Variants in IQGAP2 observed in about 807,000 individuals in gnomAD.
IQGAP2 encodes the protein ras GTPase-activating-like protein IQGAP2.
A neutral mutation model predicts 201.3 loss-of-function variants in IQGAP2; 173 were observed. The ratio of observed to expected loss-of-function variants is 0.86; its 90% CI spans 0.76 to 0.98. The LOEUF is 0.98. Ranked by LOEUF, IQGAP2 falls within the 50% of genes least tolerant of loss-of-function variation. The pLI is 0.00. For synonymous variants in IQGAP2, 675 were observed against 673.9 expected (o/e 1.00, Z -0.03); for missense variants, 1,687 against 1,864.8 (o/e 0.90, Z 1.76).
At chr5:76,489,144 G>A (rs1756362691) in intron 2 of IQGAP2, among the ~76,000 whole-genome samples, 1 of 152,140 alleles carries the variant, frequency 6.6e-6, no homozygotes, top group African/African-American at 2.4e-5. Context: ...CAGTGGTAGG[G>A]TTCCATGGAA....
In IQGAP2 at chr5:76,707,492, T is replaced by C. The variant is rs139058911; in HGVS notation, c.*179T>C. On this transcript the variant is annotated 3_prime_UTR_variant, in exon 36 of 36. Transcript: ENST00000274364. ...CCTTTTTGCTAATTTGATACTATAATAGAATGAGACATAAAATGAATTAAT... is the reference window on the plus strand; with the variant it reads ...CCTTTTTGCTAATTTGATACTATAACAGAATGAGACATAAAATGAATTAAT... 6.9e-6 allele frequency: 4 copies of C among 577,154 alleles called. No homozygotes were observed. Among genetic ancestry groups the C allele is most frequent in the African/African-American group, 1.9e-5 (1 of 53,278 alleles). The allele number at this position is 577,154 out of a possible 1,614,324, so 35.8% of individuals were successfully genotyped here.
chr5:76,608,253 A>G (rs1415040365), intron 12 of IQGAP2, among the ~76,000 whole-genome samples: 1 of 152,196 alleles, frequency 6.6e-6, no homozygotes, highest in African/African-American at 2.4e-5. Flanking sequence ...CCACTATAAC[A>G]CTTCTGTTAA....
chr5:76,620,019 C>T (rs1371309480), intron 13 of IQGAP2, among the ~76,000 whole-genome samples: 3 of 152,056 alleles, frequency 2.0e-5, no homozygotes, highest in South Asian at 4.1e-4. Context: ...GCAAGATAGC[C>T]GATTCTCTCC....
intron 2 of IQGAP2, among the ~76,000 whole-genome samples, chr5:76,473,185 T>A (rs1406252390): frequency 6.6e-6 from 1 of 152,240 alleles, no homozygotes; most frequent in Admixed American, 6.5e-5. Context: ...CATGTCTTCC[T>A]TGTAAGTCCA....
intron 30 of IQGAP2, among the ~76,000 whole-genome samples, chr5:76,690,351 A>T (rs1248929019): frequency 6.6e-6 from 1 of 152,166 alleles, no homozygotes; most frequent in African/African-American, 2.4e-5. Flanking sequence ...CAGTCTTGGC[A>T]TTTCTCTATA....
Position 76,588,898 on chromosome 5 carries a change from T to G in IQGAP2, c.459-8T>G. On this transcript the variant is annotated splice_region_variant and splice_polypyrimidine_tract_variant and intron_variant, in intron 5 of 35. Coordinates refer to ENST00000274364, the MANE Select transcript of IQGAP2 (RefSeq NM_006633.5). ...AATTTCTGATAATTTTGTGTTTTTT[T>G]CTTTCAGTTTGTATCTGTTCAAACT... 1.9e-6 allele frequency: 3 copies of G among 1,569,176 alleles called. No homozygotes were observed. Among genetic ancestry groups the G allele is most frequent in the Non-Finnish European group, 2.6e-6 (3 of 1,149,094 alleles).
At chr5:76,647,708 T>A (rs456918) in intron 17 of IQGAP2, among the ~76,000 whole-genome samples, 97,381 of 151,414 alleles carry the variant, frequency 0.64, 31,591 homozygotes, top group South Asian at 0.82. Flanking sequence ...GCGTGAAAAC[T>A]GATTAATACA....
chr5:76,619,481 G>A (rs1260602150), intron 13 of IQGAP2, among the ~76,000 whole-genome samples: 1 of 151,590 alleles, frequency 6.6e-6, no homozygotes, highest in Non-Finnish European at 1.5e-5. Context: ...CTAGCAAAAG[G>A]GATTTTGCAG....
intron 3 of IQGAP2, among the ~76,000 whole-genome samples, chr5:76,564,373 G>A (rs987709227): frequency 1.3e-5 from 2 of 152,180 alleles, no homozygotes; most frequent in African/African-American, 2.4e-5. Flanking sequence ...GAGTTAAAGC[G>A]TAGTTGGGGT....
chr5:76,657,143 T>C (rs1742816584), intron 20 of IQGAP2, among the ~76,000 whole-genome samples: 1 of 152,214 alleles, frequency 6.6e-6, no homozygotes, highest in South Asian at 2.1e-4. Flanking sequence ...TAACAATTAG[T>C]AAAGCTAAAA....
At chr5:76,413,525 C>G (rs192862760) in intron 1 of IQGAP2, among the ~76,000 whole-genome samples, 17 of 152,322 alleles carry the variant, frequency 1.1e-4, no homozygotes, top group Admixed American at 9.8e-4. Context: ...TATGGAAATA[C>G]TTCAGTCTAT....
At chr5:76,520,460 C>T (rs930553551) in intron 2 of IQGAP2, among the ~76,000 whole-genome samples, 4 of 152,122 alleles carry the variant, frequency 2.6e-5, no homozygotes, top group East Asian at 1.9e-4. Flanking sequence ...CCGCGCCCGG[C>T]GCATTATAGT....
chr5:76,515,344 C>T (rs897324364), intron 2 of IQGAP2, among the ~76,000 whole-genome samples: 10 of 152,172 alleles, frequency 6.6e-5, no homozygotes, highest in Admixed American at 3.9e-4. Flanking sequence ...ACTATTTTAT[C>T]AAGCGATTTT....
chr5:76,461,735 G>A, intron 2 of IQGAP2, 66 bp downstream of exon 2: 1 of 1,134,374 alleles, frequency 8.8e-7, no homozygotes, highest in Non-Finnish European at 1.3e-6. Flanking sequence ...TAAGGGCGTG[G>A]GATTTGATGA....
intron 5 of IQGAP2, among the ~76,000 whole-genome samples, chr5:76,584,586 T>C (rs1376281404): frequency 1.3e-5 from 2 of 151,988 alleles, no homozygotes; most frequent in African/African-American, 4.8e-5. Context: ...ATATGGCCCT[T>C]CCCTAAAGCA....
intron 23 of IQGAP2, 71 bp from the exon 24 acceptor site, chr5:76,671,688 G>GA: frequency 7.1e-6 from 7 of 989,390 alleles, no homozygotes; most frequent in Non-Finnish European, 8.8e-6. Flanking sequence ...ACTGTCTCGG[G>GA]GAAAAAAAAA....
chr5:76,479,099 A>G (rs1410246631), intron 2 of IQGAP2, among the ~76,000 whole-genome samples: 2 of 151,932 alleles, frequency 1.3e-5, no homozygotes, highest in African/African-American at 2.4e-5. Flanking sequence ...CCTTCCCGCC[A>G]TGGTTGATCG....
rs1180358517 is a variant in IQGAP2 at position 76,595,243 on chromosome 5, C to CTT, written c.908-2169_908-2168dup. On this transcript the variant is annotated intron_variant, in intron 9 of 35. Transcript: ENST00000274364. ...GAGCTGGACATTTTGCATTTCTTTG[C>CTT]TTTTTTTTTTTTTTTTTTTTTTTTT... Among the ~76,000 whole-genome samples the CTT allele has an allele frequency of 3.5e-3, 122 of 35,302 alleles. 13 individuals are homozygous for CTT. The highest frequency in any genetic ancestry group is 0.013 in the African/African-American group (106 of 8,232). 23.2% of individuals were successfully genotyped at this position (35,302 alleles called of 152,430 possible).
chr5:76,634,663 G>A (rs1750980590), intron 15 of IQGAP2, among the ~76,000 whole-genome samples: 1 of 152,134 alleles, frequency 6.6e-6, no homozygotes, highest in South Asian at 2.1e-4. Flanking sequence ...AGAGCTATGA[G>A]CATTGTTTTC....
Sources: allele counts gnomAD v4.1 joint callset (sites outside exome capture counted in the v4.1 genomes callset), GRCh38; gene constraint gnomAD v4.1.1; transcripts MANE v1.5; gene names NCBI Gene and HGNC (gene_info 2026-07-23, HGNC 2026-07-21).